RETREG3: variants seen among roughly 807,000 people sequenced by gnomAD.
The protein encoded by RETREG3 is reticulophagy regulator 3.
A neutral mutation model predicts 50.2 loss-of-function variants in RETREG3; 23 were observed. That is an observed-to-expected ratio of 0.46 (90% CI 0.33 to 0.65). The LOEUF (loss-of-function observed/expected upper bound fraction) is 0.65, where lower values mean the gene tolerates loss of function less well. Among genes scored for constraint, RETREG3 ranks in the 30% least tolerant of loss-of-function variants. The pLI is 0.02. For synonymous variants in RETREG3, 240 were observed against 234.4 expected (o/e 1.02, Z -0.22); for missense variants, 546 against 598.0 (o/e 0.91, Z 0.91).
At position 42,609,340 on chromosome 17, in the gene RETREG3, A is replaced by G; in HGVS notation, c.-16T>C. On this transcript the variant is annotated 5_prime_UTR_variant, in exon 1 of 9. Coordinates refer to ENST00000309428, the MANE Select transcript of RETREG3 (RefSeq NM_178126.4). ...CCTCAGCCATCTCCCCGCGGCAGCC[A>G]CAACATCCGGGGCCGTGGCCCGACA... The G allele has an allele frequency of 1.9e-6, 3 of 1,592,112 alleles. No homozygotes were observed. Among genetic ancestry groups the G allele is most frequent in the Non-Finnish European group, 8.5e-7 (1 of 1,175,166 alleles).
chr17:42,598,197 T>G (rs918718106), intron 1 of RETREG3, among the ~76,000 whole-genome samples: 1 of 151,354 alleles, frequency 6.6e-6, no homozygotes, highest in African/African-American at 2.4e-5. Context: ...TAGCTAGGAT[T>G]GTCTCGATCT....
At chr17:42,602,039 G>C (rs190387019) in intron 1 of RETREG3, among the ~76,000 whole-genome samples, 1 of 152,034 alleles carries the variant, frequency 6.6e-6, no homozygotes, top group Non-Finnish European at 1.5e-5. Flanking sequence ...TTTATTGGTC[G>C]GGCACCGTAG....
chr17:42,601,817 G>C (rs1465404078), intron 1 of RETREG3, among the ~76,000 whole-genome samples: 1 of 151,274 alleles, frequency 6.6e-6, no homozygotes, highest in Non-Finnish European at 1.5e-5. Context: ...ATTTTTAGTA[G>C]AGATGGGGTT....
intron 1 of RETREG3, among the ~76,000 whole-genome samples, chr17:42,594,615 G>A (rs1192997928): frequency 3.3e-5 from 5 of 151,932 alleles, no homozygotes; most frequent in African/African-American, 7.3e-5. Context: ...AGGCTGAGGC[G>A]GGCAGATCAC....
chr17:42,582,600 T>C lies in RETREG3; in HGVS notation c.943+74A>G, dbSNP rs2093111867. 5.0e-6 allele frequency: 8 copies of C among 1,587,700 alleles called. No homozygotes were observed. The South Asian group carries it at 6.8e-5, about 13-fold the overall frequency. Reference sequence around the variant, plus strand: ...AAAACAGGAGAGGGGCAAGCACCAGTATCCCCTCTGTTCAGGGAAGCTAAG... The same window carrying C: ...AAAACAGGAGAGGGGCAAGCACCAGCATCCCCTCTGTTCAGGGAAGCTAAG... On this transcript the variant is annotated intron_variant, in intron 8 of 8. Transcript: ENST00000309428.
At chr17:42,590,023 A>G (rs1351460110) in intron 2 of RETREG3, among the ~76,000 whole-genome samples, 1 of 152,102 alleles carries the variant, frequency 6.6e-6, no homozygotes, top group Admixed American at 6.6e-5. Flanking sequence ...CAACATGGCG[A>G]AACCCCATTT....
In RETREG3 at chr17:42,586,128, G is replaced by A; in HGVS notation, c.514C>T (p.Leu172=). The A allele has an allele frequency of 6.2e-7, 1 of 1,614,038 alleles. No homozygotes were observed. The highest frequency in any genetic ancestry group is 8.5e-7 in the Non-Finnish European group (1 of 1,179,980). ...KKQNPGKFCL[L]SCGILTFLAV... ...AAAAAGGTCAGTATCCCACAGCTCA[G>A]CAAGCAGAACTGGGGAATCAAGAAA... Residue 172 remains leucine, a synonymous_variant, in exon 5 of 9, where the codon CTG becomes TTG. Coordinates refer to ENST00000309428, the MANE Select transcript of RETREG3 (RefSeq NM_178126.4).
chr17:42,594,962 A>AC (rs1284729220), intron 1 of RETREG3, among the ~76,000 whole-genome samples: 39 of 138,514 alleles, frequency 2.8e-4, no homozygotes, highest in African/African-American at 1.0e-3. Context: ...TTTTTTTTTT[A>AC]CTTTTTTTTT....
intron 1 of RETREG3, among the ~76,000 whole-genome samples, chr17:42,599,393 G>A (rs1432997018): frequency 6.6e-6 from 1 of 152,148 alleles, no homozygotes; most frequent in Non-Finnish European, 1.5e-5. Context: ...AGTGGCTCAT[G>A]CCTATAATCC....
chr17:42,597,594 TA>T (rs2093148792), intron 1 of RETREG3, among the ~76,000 whole-genome samples: 9 of 3,544 alleles, frequency 2.5e-3, no homozygotes, highest in South Asian at 9.1e-3. Context: ...TATATATATA[TA>T]TATATATATA....
At chr17:42,590,459 G>A (rs2093130500) in intron 2 of RETREG3, among the ~76,000 whole-genome samples, 1 of 152,210 alleles carries the variant, frequency 6.6e-6, no homozygotes, top group African/African-American at 2.4e-5. Flanking sequence ...ATCATCTGAG[G>A]TTGGGAGTTC....
At chr17:42,586,341 C>A in intron 4 of RETREG3, 1 of 560,320 alleles carries the variant, frequency 1.8e-6, no homozygotes, top group South Asian at 2.2e-5. Flanking sequence ...TGGCTAACCC[C>A]ATAGGGCTGC....
chr17:42,604,714 A>C (rs911470676), intron 1 of RETREG3, among the ~76,000 whole-genome samples: 24 of 151,912 alleles, frequency 1.6e-4, no homozygotes, highest in Non-Finnish European at 2.8e-4. Flanking sequence ...AAAAAAAAAA[A>C]AAAACTGAAA....
intron 1 of RETREG3, among the ~76,000 whole-genome samples, chr17:42,594,749 G>A (rs113065396): frequency 6.6e-6 from 1 of 151,686 alleles, no homozygotes; most frequent in Non-Finnish European, 1.5e-5. Context: ...TACTCGGGAG[G>A]CTGAGGCAGG....
intron 2 of RETREG3, among the ~76,000 whole-genome samples, chr17:42,588,823 AT>A (rs1049040147): frequency 2.6e-5 from 4 of 151,822 alleles, no homozygotes; most frequent in Non-Finnish European, 5.9e-5. Flanking sequence ...ACGCCTGGCT[AT>A]TTTTGTGTTT....
intron 6 of RETREG3, 107 bp from the exon 7 acceptor site, chr17:42,583,687 T>C: frequency 9.7e-7 from 1 of 1,028,930 alleles, no homozygotes; most frequent in East Asian, 2.8e-5. Context: ...CCTCTCTGAA[T>C]CTGGCTCTAA....
intron 1 of RETREG3, among the ~76,000 whole-genome samples, chr17:42,604,248 T>C (rs1303358365): frequency 2.0e-5 from 3 of 152,114 alleles, no homozygotes; most frequent in African/African-American, 7.2e-5. Context: ...AAATACAGTA[T>C]GGTTCACTGA....
rs1217114740 is a variant in RETREG3 at position 42,580,049 on chromosome 17, T to C, written c.*1764A>G. 2.0e-5 allele frequency: 3 copies of C among 152,808 alleles called. No individual in the cohort carries two copies. Among genetic ancestry groups the C allele is most frequent in the Non-Finnish European group, 2.9e-5 (2 of 68,086 alleles). The allele number at this position is 152,808 out of a possible 1,614,324, so 9.5% of individuals were successfully genotyped here. ...GCAGAAGGAAAGAGGACAGAAGCGTTTGGCTTGAGCTCTGCTTGGGGAGGC... is the reference window on the plus strand; with the variant it reads ...GCAGAAGGAAAGAGGACAGAAGCGTCTGGCTTGAGCTCTGCTTGGGGAGGC... On this transcript the variant is annotated 3_prime_UTR_variant, in exon 9 of 9. Transcript: ENST00000309428.
rs2093108867 is a variant in RETREG3, at chr17:42,581,655, T to C, written c.*158A>G. The stretch of plus-strand genomic sequence containing the variant: ...ATCCAGCTGGTGGGAGGGGAGTGAG[T>C]GTCCTCTCTAAGGAGGCCTCTGAGC... On this transcript the variant is annotated 3_prime_UTR_variant, in exon 9 of 9. Coordinates refer to ENST00000309428, the MANE Select transcript of RETREG3 (RefSeq NM_178126.4). The C allele has an allele frequency of 3.3e-6, 2 of 608,350 alleles. No homozygotes were observed. Among genetic ancestry groups the C allele is most frequent in the African/African-American group, 1.9e-5 (1 of 53,858 alleles). 37.7% of individuals were successfully genotyped at this position (608,350 alleles called of 1,614,324 possible). A position where few individuals can be genotyped will look rare whatever the true frequency, so the allele number is the denominator to read the frequency against.
Sources: allele counts gnomAD v4.1 joint callset (sites outside exome capture counted in the v4.1 genomes callset), GRCh38; gene constraint gnomAD v4.1.1; transcripts MANE v1.5; gene names NCBI Gene and HGNC (gene_info 2026-07-23, HGNC 2026-07-21).